CR1: variants seen among roughly 807,000 people sequenced by gnomAD.
CR1 encodes the protein complement receptor type 1.
A neutral mutation model predicts 187.3 loss-of-function variants in CR1; 116 were observed. The observed-to-expected ratio is 0.62, with a 90% CI of 0.53 to 0.72. The LOEUF (loss-of-function observed/expected upper bound fraction) is 0.72, where lower values mean the gene tolerates loss of function less well. CR1 is among the 30% of genes least tolerant of loss of function. CR1 has a pLI of 0.00. For synonymous variants in CR1, 576 were observed against 747.1 expected (o/e 0.77, Z 3.73); for missense variants, 1,731 against 2,110.7 (o/e 0.82, Z 3.52).
intron 42 of CR1, among the ~76,000 whole-genome samples, chr1:207,619,487 C>T (rs1175910978): frequency 3.3e-5 from 5 of 152,012 alleles, no homozygotes; most frequent in African/African-American, 7.2e-5. Context: ...CAGAATTATG[C>T]ATTTAATAAA....
At chr1:207,625,716 T>TGG (rs772293556) in intron 45 of CR1, among the ~76,000 whole-genome samples, 1 of 151,896 alleles carries the variant, frequency 6.6e-6, no homozygotes, top group Non-Finnish European at 1.5e-5. Context: ...TGGTTGGGGA[T>TGG]GGGGGTGTGG....
intron 35 of CR1, among the ~76,000 whole-genome samples, chr1:207,603,357 G>A (rs1290201337): frequency 6.6e-6 from 1 of 152,048 alleles, no homozygotes; most frequent in Non-Finnish European, 1.5e-5. Flanking sequence ...GCACAAATAT[G>A]TTGTAGTGTA....
chr1:207,602,248 G>A (rs1311619748), intron 35 of CR1, among the ~76,000 whole-genome samples: 1 of 151,734 alleles, frequency 6.6e-6, no homozygotes, highest in East Asian at 1.9e-4. Flanking sequence ...GATAATCCAA[G>A]TATTAATATT....
chr1:207,496,562 C>A (rs1659093940), intron 1 of CR1, among the ~76,000 whole-genome samples, 174 bp downstream of exon 1: 1 of 152,236 alleles, frequency 6.6e-6, no homozygotes, highest in African/African-American at 2.4e-5. Context: ...GATCCTTCTG[C>A]GCACTGGAGA....
intron 3 of CR1, among the ~76,000 whole-genome samples, chr1:207,507,810 A>G (rs925599671): frequency 6.8e-6 from 1 of 146,754 alleles, no homozygotes; most frequent in African/African-American, 2.5e-5. Flanking sequence ...TGTTCACACC[A>G]AAAAAAAAAG....
At chr1:207,631,686 C>T (rs1662650936) in intron 46 of CR1, among the ~76,000 whole-genome samples, 1 of 152,164 alleles carries the variant, frequency 6.6e-6, no homozygotes, top group South Asian at 2.1e-4. Flanking sequence ...AAATTCAAAA[C>T]TCCATTTTTC....
At chr1:207,630,761 C>T in intron 46 of CR1, 140 bp downstream of exon 46, 3 of 444,120 alleles carry the variant, frequency 6.8e-6, no homozygotes, top group Non-Finnish European at 1.2e-5. Context: ...TTGGAAACTT[C>T]TTTTTTTTTT....
chr1:207,573,107 T>C (rs1347841122), intron 27 of CR1, among the ~76,000 whole-genome samples: 1 of 151,984 alleles, frequency 6.6e-6, no homozygotes, highest in East Asian at 1.9e-4. Context: ...ATTCAACCTA[T>C]AACAGAGCCC....
Position 207,525,541 on chromosome 1 carries a change from C to T in CR1, c.887-1212C>T, listed in dbSNP as rs538104717. Among the ~76,000 whole-genome samples the T allele has an allele frequency of 9.9e-5, 15 of 151,936 alleles. No homozygotes were observed. In the South Asian group the frequency reaches 3.1e-3, roughly 32 times the overall value. On this transcript the variant is annotated intron_variant, in intron 5 of 46. Transcript: ENST00000367049. ...TGAAGCTGTAGCTACTCACTGAAGC[C>T]ATCTATACTGCCACTGCCTGAGCCA...
intron 39 of CR1, among the ~76,000 whole-genome samples, chr1:207,613,883 T>G (rs1477214739): frequency 6.6e-6 from 1 of 152,160 alleles, no homozygotes; most frequent in Non-Finnish European, 1.5e-5. Context: ...TGGTTCAGCA[T>G]GCTTCTGTGA....
chr1:207,593,082 TACAAAAAAAAAAAAA>T (rs1661322641), intron 35 of CR1, among the ~76,000 whole-genome samples: 2 of 59,916 alleles, frequency 3.3e-5, no homozygotes, highest in African/African-American at 2.3e-4. Context: ...TTCACAGAAT[TACAAAAAAAAAAAAA>T]AAAAAACTAC....
chr1:207,520,965 G>GTTTTTTTTTTTTTTTTTTTTTTTTTTT (rs1659969781), intron 4 of CR1, among the ~76,000 whole-genome samples: 1 of 107,788 alleles, frequency 9.3e-6, no homozygotes. Context: ...TTTTTTTTTG[G>GTTTTTTTTTTTTTTTTTTTTTTTTTTT]TTGTTTTTTT....
intron 3 of CR1, among the ~76,000 whole-genome samples, chr1:207,511,178 A>G (rs1215079337): frequency 6.6e-6 from 1 of 152,192 alleles, no homozygotes; most frequent in Non-Finnish European, 1.5e-5. Flanking sequence ...GCATCCATGC[A>G]TCCATACTTT....
At position 207,506,710 on chromosome 1, in the gene CR1, G is replaced by A; in HGVS notation, c.302-4G>A. ...GGCTCCAAAATTCTGTTTCTTTCCT[G>A]TAGGTAAATCATGTCGTAATCCTCC... On this transcript the variant is annotated splice_region_variant and splice_polypyrimidine_tract_variant and intron_variant, in intron 2 of 46. Coordinates refer to ENST00000367049, the MANE Select transcript of CR1 (RefSeq NM_000651.6). The A allele has an allele frequency of 1.9e-6, 3 of 1,612,966 alleles. No homozygotes were observed. Among genetic ancestry groups the A allele is most frequent in the African/African-American group, 1.3e-5 (1 of 74,972 alleles).
chr1:207,626,361 TC>T (rs1345005166), intron 45 of CR1, among the ~76,000 whole-genome samples: 1 of 152,230 alleles, frequency 6.6e-6, no homozygotes, highest in Non-Finnish European at 1.5e-5. Flanking sequence ...GGCTGATTAA[TC>T]ATGCAGTCAT....
chr1:207,604,918 G>A (rs1317121179), intron 35 of CR1, among the ~76,000 whole-genome samples: 1 of 152,082 alleles, frequency 6.6e-6, no homozygotes, highest in African/African-American at 2.4e-5. Flanking sequence ...GGAGGAGTAA[G>A]TTTCAGAGAT....
intron 5 of CR1, among the ~76,000 whole-genome samples, chr1:207,524,281 A>G (rs1006507090): frequency 6.6e-6 from 1 of 152,120 alleles, no homozygotes; most frequent in African/African-American, 2.4e-5. Context: ...AATGGTTGAT[A>G]CAAAATGAGT....
intron 42 of CR1, among the ~76,000 whole-genome samples, chr1:207,619,036 C>CAAAAAAAAAAA (rs71727231): frequency 2.6e-5 from 1 of 38,448 alleles, no homozygotes; most frequent in Admixed American, 3.0e-4. Flanking sequence ...GACTCCGTCT[C>CAAAAAAAAAAA]AAAAAAAAAA....
chr1:207,584,908 G>T (rs546085688), intron 33 of CR1, 32 bp downstream of exon 33: 2 of 1,611,846 alleles, frequency 1.2e-6, no homozygotes, highest in Admixed American at 1.7e-5. Context: ...TCCTAAATGG[G>T]TTCAGAATAT....
Sources: gnomAD v4.1 joint callset for allele counts (sites outside exome capture counted in the v4.1 genomes callset) on GRCh38, gnomAD v4.1.1 for gene constraint, MANE v1.5 for transcripts, NCBI Gene and HGNC (gene_info 2026-07-23, HGNC 2026-07-21) for gene names.